The following EMSY variants were observed in gnomAD, a reference collection of about 807,000 sequenced individuals.
EMSY encodes BRCA2-interacting transcriptional repressor EMSY.
A neutral mutation model predicts 134.6 loss-of-function variants in EMSY; 26 were observed. The observed-to-expected ratio is 0.19, with a 90% CI of 0.14 to 0.27. The LOEUF (loss-of-function observed/expected upper bound fraction) is 0.27. EMSY is among the 10% of genes least tolerant of loss of function. The probability of loss-of-function intolerance (pLI) is 1.00; values close to 1 mark genes in which losing one functional copy is unlikely to be tolerated. For missense variants in EMSY, 1,305 were observed against 1,611.4 expected (o/e 0.81, Z 3.26); for synonymous variants, 579 against 577.8 (o/e 1.00, Z -0.03).
intron 1 of EMSY, among the ~76,000 whole-genome samples, chr11:76,446,094 A>C (rs1041503490): frequency 6.6e-6 from 1 of 152,020 alleles, no homozygotes; most frequent in Admixed American, 6.6e-5. Context: ...CAGTCGCGTC[A>C]ACCATTCACT....
chr11:76,525,039 A>T (rs1173877670), intron 12 of EMSY, among the ~76,000 whole-genome samples: 1 of 152,186 alleles, frequency 6.6e-6, no homozygotes, highest in African/African-American at 2.4e-5. Context: ...CAAAGACCAC[A>T]TAGGCACAAT....
chr11:76,478,722 G>A (rs898140921), intron 8 of EMSY, among the ~76,000 whole-genome samples: 13 of 151,186 alleles, frequency 8.6e-5, no homozygotes, highest in Middle Eastern at 3.2e-3. Context: ...TCGTTGCTTC[G>A]TTAACATTTT....
At chr11:76,488,394 G>A (rs1398171408) in intron 8 of EMSY, among the ~76,000 whole-genome samples, 3 of 152,164 alleles carry the variant, frequency 2.0e-5, no homozygotes, top group East Asian at 1.9e-4. Context: ...TTGAGCCCAG[G>A]ATTTGGAGGC....
chr11:76,483,163 G>C (rs1056807839), intron 8 of EMSY, among the ~76,000 whole-genome samples: 79 of 152,232 alleles, frequency 5.2e-4, no homozygotes, highest in African/African-American at 1.8e-3. Context: ...AGCTTCATAA[G>C]TGAAGGAGAA....
intron 8 of EMSY, among the ~76,000 whole-genome samples, chr11:76,475,296 G>GT (rs1162498959): frequency 6.6e-6 from 1 of 152,158 alleles, no homozygotes; most frequent in Non-Finnish European, 1.5e-5. Flanking sequence ...AAAGATTACT[G>GT]TTTTTCTAAG....
chr11:76,540,683 T>C (rs193024380), intron 17 of EMSY, among the ~76,000 whole-genome samples: 15 of 152,366 alleles, frequency 9.8e-5, no homozygotes, highest in African/African-American at 3.4e-4. Context: ...ATTTTTACAT[T>C]GATTTCCATA....
intron 2 of EMSY, among the ~76,000 whole-genome samples, chr11:76,449,511 C>A (rs1947564188): frequency 6.6e-6 from 1 of 152,202 alleles, no homozygotes; most frequent in Admixed American, 6.5e-5. Context: ...CCACAGGTCA[C>A]AAGTGTCAAC....
exon 19 of EMSY, chr11:76,544,617 A>T: frequency 1.2e-6 from 2 of 1,614,112 alleles, no homozygotes; most frequent in South Asian, 2.2e-5. Context: ...CACACACAGC[A>T]TCCCATGGTG....
chr11:76,500,058 C>G (rs1949800450), intron 9 of EMSY, among the ~76,000 whole-genome samples: 1 of 137,164 alleles, frequency 7.3e-6, no homozygotes, highest in African/African-American at 2.7e-5. Context: ...GCGTGGGCTA[C>G]AGAGTGAGAG....
intron 3 of EMSY, among the ~76,000 whole-genome samples, chr11:76,453,021 A>G (rs1010372318): frequency 5.9e-5 from 9 of 152,184 alleles, no homozygotes; most frequent in African/African-American, 2.2e-4. Flanking sequence ...AATCTTACCC[A>G]TGGTCTGACA....
chr11:76,522,352 CTTTTTTTTT>C lies in EMSY; in HGVS notation c.1685-781_1685-773del, dbSNP rs71040003. On this transcript the variant is annotated intron_variant, in intron 11 of 20. Transcript: ENST00000334736. ...CTTGTTTTGTATATCGTTTACTTTGCTTTTTTTTTTTTTTTTTTTTTTTTTTTTTTCTTG... is the reference window on the plus strand; with the variant it reads ...CTTGTTTTGTATATCGTTTACTTTGCTTTTTTTTTTTTTTTTTTTTTCTTG... Among the ~76,000 whole-genome samples the C allele has an allele frequency of 2.8e-3, 126 of 44,252 alleles. No homozygotes were observed. In the South Asian group the frequency reaches 0.036, roughly 13 times the overall value. 29.0% of individuals were successfully genotyped at this position (44,252 alleles called of 152,430 possible).
At chr11:76,524,760 A>G (rs1950784148) in intron 12 of EMSY, among the ~76,000 whole-genome samples, 2 of 152,334 alleles carry the variant, frequency 1.3e-5, no homozygotes, top group East Asian at 1.9e-4. Context: ...GTGGAGGCTT[A>G]TGCCTGTAAT....
intron 8 of EMSY, among the ~76,000 whole-genome samples, chr11:76,484,797 G>A (rs186776012): frequency 1.1e-4 from 16 of 152,154 alleles, no homozygotes; most frequent in Admixed American, 3.3e-4. Context: ...AGCCAGGCAT[G>A]GTGGCACATG....
chr11:76,534,458 G>T (rs1951154933), intron 14 of EMSY, among the ~76,000 whole-genome samples: 1 of 152,034 alleles, frequency 6.6e-6, no homozygotes, highest in East Asian at 1.9e-4. Flanking sequence ...TATTCTACCT[G>T]GTGTTTTGGG....
At chr11:76,524,029 A>G (rs771794060) in intron 12 of EMSY, among the ~76,000 whole-genome samples, 1 of 152,118 alleles carries the variant, frequency 6.6e-6, no homozygotes, top group Non-Finnish European at 1.5e-5. Context: ...CAGACTGGGC[A>G]ACAGAGTGAG....
At chr11:76,472,487 A>G in intron 7 of EMSY, 77 bp from the exon 9 acceptor site, 1 of 1,313,006 alleles carries the variant, frequency 7.6e-7, no homozygotes, top group South Asian at 1.5e-5. Context: ...TTTTTAAATT[A>G]TATATAACTA....
At chr11:76,453,148 G>A (rs549427240) in intron 3 of EMSY, among the ~76,000 whole-genome samples, 166 bp from the exon 4 acceptor site, 1 of 152,228 alleles carries the variant, frequency 6.6e-6, no homozygotes, top group Non-Finnish European at 1.5e-5. Context: ...CCTTTTCTAA[G>A]ATGTTAAAGC....
intron 9 of EMSY, among the ~76,000 whole-genome samples, chr11:76,507,921 G>C (rs1165597800): frequency 6.9e-6 from 1 of 145,250 alleles, no homozygotes; most frequent in East Asian, 2.0e-4. Context: ...CTGGAATGCA[G>C]TGACACAATC....
At chr11:76,481,604 C>A (rs1255099265) in intron 8 of EMSY, among the ~76,000 whole-genome samples, 3 of 152,128 alleles carry the variant, frequency 2.0e-5, no homozygotes. Flanking sequence ...GTGGTTTTTC[C>A]CCTCAGAGTA....
Sources: gnomAD v4.1 joint callset for allele counts (sites outside exome capture counted in the v4.1 genomes callset) on GRCh38, gnomAD v4.1.1 for gene constraint, MANE v1.5 for transcripts, NCBI Gene and HGNC (gene_info 2026-07-23, HGNC 2026-07-21) for gene names.